The following USP25 variants were observed in gnomAD, a reference collection of about 807,000 sequenced individuals.
The protein encoded by USP25 is ubiquitin carboxyl-terminal hydrolase 25.
In USP25, 85 loss-of-function variants were observed where a neutral mutation model predicts 158.5. The ratio of observed to expected loss-of-function variants is 0.54; its 90% CI spans 0.45 to 0.64. The LOEUF (loss-of-function observed/expected upper bound fraction) is 0.64, where lower values mean the gene tolerates loss of function less well. Among genes scored for constraint, USP25 ranks in the 30% least tolerant of loss-of-function variants. USP25 has a pLI of 0.00. For missense variants in USP25, 1,242 were observed against 1,327.3 expected, an observed-to-expected ratio of 0.94 and a Z score of 1.00; for synonymous variants, 464 against 460.4, an observed-to-expected ratio of 1.01 and a Z score of -0.10.
intron 1 of USP25, 111 bp from the exon 2 acceptor site, chr21:15,762,780 A>G (rs1381583985): frequency 6.4e-6 from 6 of 939,630 alleles, no homozygotes; most frequent in Non-Finnish European, 9.5e-6. Context: ...ACTCTAGTTT[A>G]CTTTATTCTG....
intron 17 of USP25, among the ~76,000 whole-genome samples, chr21:15,839,217 C>T (rs1202461213): frequency 1.3e-5 from 2 of 152,118 alleles, no homozygotes; most frequent in Non-Finnish European, 2.9e-5. Flanking sequence ...GTGACTACAA[C>T]ACCACTCATC....
intron 6 of USP25, among the ~76,000 whole-genome samples, chr21:15,803,629 T>C (rs149370621): frequency 1.2e-4 from 18 of 152,036 alleles, no homozygotes; most frequent in Admixed American, 3.9e-4. Flanking sequence ...AGAATTCCAC[T>C]AATTTCCAAA....
intron 3 of USP25, among the ~76,000 whole-genome samples, chr21:15,772,409 C>G (rs1264144845): frequency 2.6e-5 from 4 of 152,168 alleles, no homozygotes; most frequent in Non-Finnish European, 5.9e-5. Flanking sequence ...CAGTGGCACC[C>G]AGCTAACTGT....
intron 4 of USP25, among the ~76,000 whole-genome samples, chr21:15,787,163 A>G (rs1026886792): frequency 5.3e-5 from 8 of 152,112 alleles, no homozygotes; most frequent in Admixed American, 4.6e-4. Context: ...AATTAATGTT[A>G]AAATGGCCAT....
chr21:15,859,968 T>C (rs915288211), intron 20 of USP25, among the ~76,000 whole-genome samples: 6 of 143,672 alleles, frequency 4.2e-5, no homozygotes, highest in Admixed American at 1.4e-4. Context: ...GATATATATA[T>C]GTATATATAT....
intron 1 of USP25, among the ~76,000 whole-genome samples, chr21:15,753,719 G>C (rs1258537752): frequency 6.6e-6 from 1 of 151,190 alleles, no homozygotes; most frequent in African/African-American, 2.4e-5. Flanking sequence ...AAAAAAAAAG[G>C]CTTCTCTTTA....
chr21:15,790,084 A>G (rs1035311443), intron 4 of USP25, among the ~76,000 whole-genome samples: 1 of 151,918 alleles, frequency 6.6e-6, no homozygotes, highest in African/African-American at 2.4e-5. Flanking sequence ...TATTCTTGAA[A>G]ACTTGCTTTC....
rs1488434140 is a variant in USP25, at chr21:15,766,733, CT to C, written c.268+594del. 6.6e-6 allele frequency among the ~76,000 whole-genome samples: 1 copy of C among 151,984 alleles called. No homozygotes were observed. The highest frequency in any genetic ancestry group is 2.4e-5 in the African/African-American group (1 of 41,420). ...TTCTTCATAATATGAATACTTTATACTTATGTAGCGCACAGTTTTTCAAACT... is the reference window on the plus strand; with the variant it reads ...TTCTTCATAATATGAATACTTTATACTATGTAGCGCACAGTTTTTCAAACT... On this transcript the variant is annotated intron_variant, in intron 3 of 25. Transcript: ENST00000400183. This position sits in a 1 kb window ranked among gnomAD's most constrained non-coding sequence, Gnocchi z 4.0.
intron 18 of USP25, among the ~76,000 whole-genome samples, chr21:15,846,463 A>C (rs2038622857): frequency 6.6e-6 from 1 of 151,872 alleles, no homozygotes; most frequent in South Asian, 2.1e-4. Flanking sequence ...CGCCATGCCA[A>C]AAATAGTGTT....
chr21:15,812,133 A>G (rs915645958), intron 9 of USP25, among the ~76,000 whole-genome samples: 21 of 150,642 alleles, frequency 1.4e-4, no homozygotes, highest in African/African-American at 4.9e-4. Context: ...GCACATATAT[A>G]TGAGTTAATA....
Position 15,808,885 on chromosome 21 carries a change from C to A in USP25, c.857C>A (p.Thr286Lys), listed in dbSNP as rs138860784. The change falls in exon 8 of 26, where the codon ACG (threonine) becomes AAG (lysine). Residue 286 changes from threonine (T) to lysine (K), a missense_variant and splice_region_variant. Thr to Lys is a moderately conservative substitution (Grantham distance 78). Coordinates refer to ENST00000400183, the MANE Select transcript of USP25 (RefSeq NM_001283041.3). ...TTCCAAATGAAAGCTGAAGAGGAGA[C>A]GTAAGTTACCGTGAAGTTTAGCAAT... is the stretch of plus-strand genomic sequence containing the variant. ...DAFQMKAEEE[T>K]DEEKPKNPMV... 1 of 1,604,626 alleles carries A rather than the reference C, an allele frequency of 6.2e-7. No individual in the cohort carries two copies. Among genetic ancestry groups the A allele is most frequent in the South Asian group, 1.1e-5 (1 of 89,418 alleles).
At chr21:15,801,583 C>T (rs994152130) in intron 6 of USP25, among the ~76,000 whole-genome samples, 2 of 151,484 alleles carry the variant, frequency 1.3e-5, no homozygotes, top group African/African-American at 4.8e-5. Context: ...AGTTATCAGC[C>T]ACTGAATGGT....
At chr21:15,868,046 C>T (rs994397313) in intron 22 of USP25, among the ~76,000 whole-genome samples, 1 of 152,110 alleles carries the variant, frequency 6.6e-6, no homozygotes, top group Non-Finnish European at 1.5e-5. Flanking sequence ...AGTCCACCTC[C>T]CATCTCTGAC....
intron 4 of USP25, among the ~76,000 whole-genome samples, chr21:15,780,393 G>C (rs1323194183): frequency 6.6e-6 from 1 of 152,040 alleles, no homozygotes; most frequent in East Asian, 1.9e-4. Context: ...ATTATCTCTT[G>C]ATTATCACTG....
intron 3 of USP25, among the ~76,000 whole-genome samples, chr21:15,775,739 A>ACCGCCCCCCC (rs1306338460): frequency 1.4e-4 from 2 of 14,052 alleles, no homozygotes; most frequent in Admixed American, 9.1e-4. Context: ...AATGGTTGCC[A>ACCGCCCCCCC]CCCCCCCCCC....
chr21:15,737,234 A>G (rs779064921), intron 1 of USP25, among the ~76,000 whole-genome samples: 10 of 152,000 alleles, frequency 6.6e-5, no homozygotes, highest in Non-Finnish European at 1.0e-4. Flanking sequence ...TTATTTTTGT[A>G]ATGCCAGTTC....
chr21:15,835,938 A>G (rs923758413), intron 17 of USP25, among the ~76,000 whole-genome samples: 34 of 152,222 alleles, frequency 2.2e-4, no homozygotes, highest in African/African-American at 8.0e-4. Flanking sequence ...TCATAATTGA[A>G]TAAGACTAAT....
intron 20 of USP25, among the ~76,000 whole-genome samples, chr21:15,860,984 A>G (rs2039405746): frequency 6.6e-6 from 1 of 150,636 alleles, no homozygotes; most frequent in Non-Finnish European, 1.5e-5. Context: ...ATAGAGAGAG[A>G]GAGAGAGAGA....
At chr21:15,753,251 A>C in intron 1 of USP25, among the ~76,000 whole-genome samples, 1 of 152,168 alleles carries the variant, frequency 6.6e-6, no homozygotes, top group Non-Finnish European at 1.5e-5. Flanking sequence ...TGACTTTAGC[A>C]TGATAATGAG....
Sources: gnomAD v4.1 joint callset for allele counts (sites outside exome capture counted in the v4.1 genomes callset) on GRCh38, gnomAD v4.1.1 for gene constraint, Gnocchi (gnomAD v3.1) non-coding constraint, MANE v1.5 for transcripts, NCBI Gene and HGNC (gene_info 2026-07-23, HGNC 2026-07-21) for gene names.